The following SLC25A28 variants were observed in gnomAD, a reference collection of about 807,000 sequenced individuals.
SLC25A28 encodes the protein solute carrier family 25 member 28.
SLC25A28 carries 10 observed loss-of-function variants against 31.9 expected under a neutral mutation model. The ratio of observed to expected loss-of-function variants is 0.31; its 90% CI spans 0.19 to 0.53. The LOEUF (loss-of-function observed/expected upper bound fraction) is 0.53, where lower values mean the gene tolerates loss of function less well. Among genes scored for constraint, SLC25A28 ranks in the 20% least tolerant of loss-of-function variants. The pLI is 0.95. For missense variants in SLC25A28, 256 were observed against 490.3 expected (o/e 0.52, Z 4.51); for synonymous variants, 208 against 203.6 (o/e 1.02, Z -0.19).
At chr10:99,615,423 C>G in intron 1 of SLC25A28, 1 of 984,480 alleles carries the variant, frequency 1.0e-6, no homozygotes, top group Non-Finnish European at 1.2e-6. Context: ...TAATACCTTT[C>G]CTCAAGAGCA....
intron 1 of SLC25A28, among the ~76,000 whole-genome samples, chr10:99,614,801 T>C (rs1003906689): frequency 6.6e-6 from 1 of 152,094 alleles, no homozygotes; most frequent in Non-Finnish European, 1.5e-5. Context: ...CCCAGGAAAA[T>C]TTCTCATCTA....
chr10:99,653,395 T>G, the SLC25A28 span, among the ~76,000 whole-genome samples: 1 of 152,134 alleles, frequency 6.6e-6, no homozygotes. Context: ...TGGAAAGATA[T>G]CTCCTAGTTC....
chr10:99,619,236 A>G (rs2034728463), intron 1 of SLC25A28: 14 of 985,246 alleles, frequency 1.4e-5, no homozygotes, highest in Non-Finnish European at 1.7e-5. Context: ...TTTTCTTCAT[A>G]CTTACATCTA....
At chr10:99,620,503 CAA>C (rs1179234559), upstream of SLC25A28, 3 of 1,042,678 alleles carry the variant, frequency 2.9e-6, no homozygotes, top group Non-Finnish European at 3.5e-6. Flanking sequence ...GTGGAGACGC[CAA>C]GTTAGACCCA....
the SLC25A28 span, among the ~76,000 whole-genome samples, chr10:99,633,903 C>T: frequency 6.6e-6 from 1 of 152,252 alleles, no homozygotes; most frequent in East Asian, 1.9e-4. Flanking sequence ...TCCATTTCAC[C>T]CCCCTGCCAC....
chr10:99,614,068 G>C lies in SLC25A28; in HGVS notation c.292-144C>G, dbSNP rs565456535. ...TTCAGCTTATTTCCAATCTATAGCT[G>C]ATCTTTCTTCTAAGCCTTGGACCTT... On this transcript the variant is annotated intron_variant, in intron 1 of 3. Transcript: ENST00000370495. 6.0e-5 allele frequency: 62 copies of C among 1,024,988 alleles called. 1 individual carries two copies. In the South Asian group the frequency reaches 9.4e-4, roughly 16 times the overall value. 63.5% of individuals were successfully genotyped at this position (1,024,988 alleles called of 1,614,324 possible). A position where few individuals can be genotyped will look rare whatever the true frequency, so the allele number is the denominator to read the frequency against.
intron 1 of SLC25A28, chr10:99,616,663 G>A: frequency 1.0e-6 from 1 of 985,348 alleles, no homozygotes; most frequent in Non-Finnish European, 1.2e-6. Context: ...TATGTTCAGG[G>A]ACAAGCTTTA....
rs149699395 is a variant in SLC25A28 at position 99,617,643 on chromosome 10, T to A, written c.291+2402A>T. The A allele has an allele frequency of 1.4e-4, 137 of 985,448 alleles. 1 individual carries two copies. In the African/African-American group the frequency reaches 2.3e-3, roughly 17 times the overall value. The allele number at this position is 985,448 out of a possible 1,614,324, so 61.0% of individuals were successfully genotyped here. A position where few individuals can be genotyped will look rare whatever the true frequency, so the allele number is the denominator to read the frequency against. The stretch of plus-strand genomic sequence containing the variant: ...GTTTAACATACTCACTGACACTAAA[T>A]CATACTGGCCTCACCTAGTTCTTCC... On this transcript the variant is annotated intron_variant, in intron 1 of 3. Coordinates refer to ENST00000370495, the MANE Select transcript of SLC25A28 (RefSeq NM_031212.4).
At chr10:99,644,331 T>C in the SLC25A28 span, among the ~76,000 whole-genome samples, 2 of 152,352 alleles carry the variant, frequency 1.3e-5, no homozygotes, top group East Asian at 3.9e-4. Context: ...TGGCCTTCTT[T>C]GTCTCTTTTG....
chr10:99,636,170 C>T, the SLC25A28 span, among the ~76,000 whole-genome samples: 1 of 152,218 alleles, frequency 6.6e-6, no homozygotes, highest in Non-Finnish European at 1.5e-5. Context: ...TCAGAATACA[C>T]ATTCTATTCA....
the SLC25A28 span, among the ~76,000 whole-genome samples, chr10:99,646,845 C>T: frequency 6.6e-6 from 1 of 152,232 alleles, no homozygotes; most frequent in Non-Finnish European, 1.5e-5. Flanking sequence ...CTTCTGTAGT[C>T]TCCAGTGTCT....
chr10:99,627,393 A>G, the SLC25A28 span, among the ~76,000 whole-genome samples: 1 of 152,060 alleles, frequency 6.6e-6, no homozygotes, highest in Non-Finnish European at 1.5e-5. Context: ...TTTGAGCTAT[A>G]AACAATCCAA....
At chr10:99,615,911 G>C in intron 1 of SLC25A28, 1 of 985,382 alleles carries the variant, frequency 1.0e-6, no homozygotes, top group Non-Finnish European at 1.2e-6. Context: ...CGGAGGCCTG[G>C]AACTCCTCAC....
upstream of SLC25A28, among the ~76,000 whole-genome samples, chr10:99,623,489 C>T (rs2034829431): frequency 6.6e-6 from 1 of 152,188 alleles, no homozygotes; most frequent in Admixed American, 6.5e-5. Flanking sequence ...TGAACTGTTT[C>T]TTCTGTTTAT....
In SLC25A28 at chr10:99,620,250, A is replaced by G; in HGVS notation, c.86T>C (p.Leu29Pro). Residue 29 changes from leucine to proline, a missense_variant, in exon 1 of 4, where the codon CTG becomes CCG. Coordinates refer to ENST00000370495, the MANE Select transcript of SLC25A28 (RefSeq NM_031212.4). ...CACGCCCCGCTGCAGCCACCCGTCC[A>G]GCAGCGCCGACTCCCCGGGGCTCCG... ...PGRSPGESAL[L>P]DGWLQRGVGR... The G allele has an allele frequency of 1.7e-6, 2 of 1,160,160 alleles. No homozygotes were observed. The highest frequency in any genetic ancestry group is 1.1e-6 in the Non-Finnish European group (1 of 945,806). 71.9% of individuals were successfully genotyped at this position (1,160,160 alleles called of 1,614,324 possible).
At chr10:99,632,736 T>C in the SLC25A28 span, among the ~76,000 whole-genome samples, 1 of 152,152 alleles carries the variant, frequency 6.6e-6, no homozygotes, top group Non-Finnish European at 1.5e-5. Context: ...CTTTTGCTTG[T>C]TTAGACAATC....
At chr10:99,632,011 C>T in the SLC25A28 span, among the ~76,000 whole-genome samples, 1 of 148,456 alleles carries the variant, frequency 6.7e-6, no homozygotes, top group Non-Finnish European at 1.5e-5. Context: ...ATTCTCCTGC[C>T]TCAGCCTCCC....
At chr10:99,656,102 A>AT in the SLC25A28 span, among the ~76,000 whole-genome samples, 1 of 152,324 alleles carries the variant, frequency 6.6e-6, no homozygotes, top group East Asian at 1.9e-4. Context: ...AATTTGGACT[A>AT]TATCTCGTCA....
chr10:99,616,737 T>C lies in SLC25A28; in HGVS notation c.292-2813A>G, dbSNP rs988842566. The C allele has an allele frequency of 1.6e-4, 153 of 985,354 alleles. No individual in the cohort carries two copies. The African/African-American group carries it at 2.5e-3, about 16-fold the overall frequency. The allele number at this position is 985,354 out of a possible 1,614,324, so 61.0% of individuals were successfully genotyped here. ...CTTTTGGGAAGCTATATGGAAGGCT[T>C]GAGAGTCTGATACACTGAGTTCAAA... is the stretch of plus-strand genomic sequence containing the variant. On this transcript the variant is annotated intron_variant, in intron 1 of 3. Coordinates refer to ENST00000370495, the MANE Select transcript of SLC25A28 (RefSeq NM_031212.4).
Sources: allele counts gnomAD v4.1 joint callset (sites outside exome capture counted in the v4.1 genomes callset), GRCh38; gene constraint gnomAD v4.1.1; transcripts MANE v1.5; gene names NCBI Gene and HGNC (gene_info 2026-07-23, HGNC 2026-07-21).